DENND1A: variants seen among roughly 807,000 people sequenced by gnomAD.
DENND1A encodes DENN domain containing 1A.
Under a neutral mutation model 113.7 loss-of-function variants are expected in DENND1A, and 51 were observed. The observed-to-expected ratio is 0.45, with a 90% CI of 0.36 to 0.57. The LOEUF (loss-of-function observed/expected upper bound fraction) is 0.57. Ranked by LOEUF, DENND1A falls within the 20% of genes least tolerant of loss-of-function variation. The probability of loss-of-function intolerance (pLI) is 0.00; values close to 1 mark genes in which losing one functional copy is unlikely to be tolerated. For missense variants in DENND1A, 1,258 were observed against 1,395.9 expected (o/e 0.90, Z 1.57); for synonymous variants, 565 against 570.8 (o/e 0.99, Z 0.14).
chr9:123,731,821 C>T (rs2068195317), intron 5 of DENND1A, among the ~76,000 whole-genome samples: 1 of 152,088 alleles, frequency 6.6e-6, no homozygotes, highest in Admixed American at 6.6e-5. Flanking sequence ...ATTTGCAAAT[C>T]ATATATCTGA....
chr9:123,795,079 C>T (rs1833566110), intron 2 of DENND1A, among the ~76,000 whole-genome samples: 1 of 152,138 alleles, frequency 6.6e-6, no homozygotes, highest in Non-Finnish European at 1.5e-5. Context: ...CTCTTGGTTT[C>T]TTTTCATTAA....
In DENND1A at chr9:123,461,233, G is replaced by A. The variant is rs550539144; in HGVS notation, c.994-3336C>T. 1.2e-4 allele frequency among the ~76,000 whole-genome samples: 19 copies of A among 152,270 alleles called. No homozygotes were observed. The South Asian group carries it at 3.5e-3, about 28-fold the overall frequency. On this transcript the variant is annotated intron_variant, in intron 13 of 23. Transcript: ENST00000394215. ...AGTGGCAGTCACTCATCCCAGTGCCGTGTGCACTCCTGGGTGCTGGGATAG... is the reference window on the plus strand; with the variant it reads ...AGTGGCAGTCACTCATCCCAGTGCCATGTGCACTCCTGGGTGCTGGGATAG...
chr9:123,416,691 C>A (rs111312477), intron 19 of DENND1A, among the ~76,000 whole-genome samples: 2 of 152,184 alleles, frequency 1.3e-5, no homozygotes, highest in Non-Finnish European at 2.9e-5. Context: ...GGAGAGAGGG[C>A]CGGCGAAGCG....
chr9:123,426,623 C>T (rs905485635), intron 19 of DENND1A, among the ~76,000 whole-genome samples: 3 of 152,196 alleles, frequency 2.0e-5, no homozygotes, highest in Non-Finnish European at 2.9e-5. Context: ...CAGCTCAGAC[C>T]TCCCTCTCTG....
At chr9:123,428,386 T>C (rs1190790693) in intron 19 of DENND1A, among the ~76,000 whole-genome samples, 4 of 152,200 alleles carry the variant, frequency 2.6e-5, no homozygotes, top group South Asian at 2.1e-4. Flanking sequence ...AAACTAGGTA[T>C]TGAAAAAATA....
At chr9:123,728,352 C>T (rs2141281755) in intron 5 of DENND1A, among the ~76,000 whole-genome samples, 1 of 151,638 alleles carries the variant, frequency 6.6e-6, no homozygotes, top group African/African-American at 2.4e-5. Flanking sequence ...TGGCACATGC[C>T]TGTAATCCCA....
At chr9:123,684,145 C>T (rs1431112160) in intron 5 of DENND1A, among the ~76,000 whole-genome samples, 1 of 152,120 alleles carries the variant, frequency 6.6e-6, no homozygotes, top group Non-Finnish European at 1.5e-5. Flanking sequence ...ATTTCAATTG[C>T]TATGTAAAAA....
At chr9:123,424,362 TC>T (rs2045552152) in intron 19 of DENND1A, among the ~76,000 whole-genome samples, 1 of 152,170 alleles carries the variant, frequency 6.6e-6, no homozygotes, top group Non-Finnish European at 1.5e-5. Flanking sequence ...CTTCAACAGT[TC>T]CCACGCAGGA....
intron 5 of DENND1A, among the ~76,000 whole-genome samples, chr9:123,695,496 A>G (rs568215772): frequency 2.6e-4 from 40 of 152,156 alleles, no homozygotes; most frequent in African/African-American, 9.4e-4. Context: ...ATATATATAT[A>G]TATCCTATTA....
At chr9:123,402,753 G>C (rs1455704781) in intron 21 of DENND1A, 3 of 398,746 alleles carry the variant, frequency 7.5e-6, no homozygotes, top group African/African-American at 6.2e-5. Flanking sequence ...GCAGCCTTCT[G>C]CCTCACCCCA....
Position 123,427,178 on chromosome 9 carries a change from A to G in DENND1A, c.1488+13182T>C, listed in dbSNP as rs866425698. 2.0e-5 allele frequency among the ~76,000 whole-genome samples: 3 copies of G among 152,230 alleles called. No homozygotes were observed. The South Asian group carries it at 6.2e-4, about 32-fold the overall frequency. ...CTATGGCATGATCACACAAGCACAAATCTGGGCCTTTCAAAACTACCAGAT... is the reference window on the plus strand; with the variant it reads ...CTATGGCATGATCACACAAGCACAAGTCTGGGCCTTTCAAAACTACCAGAT... On this transcript the variant is annotated intron_variant, in intron 19 of 23. Transcript: ENST00000394215.
intron 13 of DENND1A, among the ~76,000 whole-genome samples, chr9:123,516,247 G>T (rs1018991292): frequency 2.6e-5 from 4 of 151,976 alleles, no homozygotes; most frequent in African/African-American, 9.7e-5. Flanking sequence ...GTACATGGGG[G>T]GTGTGTACTC....
At chr9:123,495,153 C>T (rs933779479) in intron 13 of DENND1A, among the ~76,000 whole-genome samples, 3 of 150,906 alleles carry the variant, frequency 2.0e-5, no homozygotes, top group African/African-American at 7.4e-5. Context: ...CTCTCTCTCT[C>T]TCTCTCTCTC....
intron 10 of DENND1A, among the ~76,000 whole-genome samples, chr9:123,618,077 G>C (rs1227171499): frequency 6.6e-6 from 1 of 152,156 alleles, no homozygotes; most frequent in Non-Finnish European, 1.5e-5. Flanking sequence ...AAGGGAAGAC[G>C]AACCCGCACT....
intron 18 of DENND1A, among the ~76,000 whole-genome samples, chr9:123,448,461 C>T (rs2047469895): frequency 1.3e-5 from 2 of 152,182 alleles, no homozygotes; most frequent in South Asian, 2.1e-4. Flanking sequence ...TGAGGAGGGA[C>T]CCCTTTCTTT....
At chr9:123,793,259 C>G (rs1221835821) in intron 2 of DENND1A, among the ~76,000 whole-genome samples, 1 of 152,070 alleles carries the variant, frequency 6.6e-6, no homozygotes, top group Non-Finnish European at 1.5e-5. Context: ...TGCTCAGAAA[C>G]TATACAAATA....
At chr9:123,587,200 T>C (rs149676473) in intron 11 of DENND1A, among the ~76,000 whole-genome samples, 3,621 of 152,148 alleles carry the variant, frequency 0.024, 51 homozygotes, top group Non-Finnish European at 0.033. Context: ...GATGGTCACA[T>C]GGGGATGAAG....
At chr9:123,484,793 C>G (rs553232710) in intron 13 of DENND1A, among the ~76,000 whole-genome samples, 1 of 152,224 alleles carries the variant, frequency 6.6e-6, no homozygotes, top group Non-Finnish European at 1.5e-5. Flanking sequence ...TCAGTACAGT[C>G]TGGCATGCAA....
intron 5 of DENND1A, among the ~76,000 whole-genome samples, chr9:123,685,434 G>A (rs1437758129): frequency 6.6e-6 from 1 of 152,166 alleles, no homozygotes; most frequent in Non-Finnish European, 1.5e-5. Context: ...GAAAATATAT[G>A]TACTGAATGA....
Sources: allele counts gnomAD v4.1 joint callset (sites outside exome capture counted in the v4.1 genomes callset), GRCh38; gene constraint gnomAD v4.1.1; transcripts MANE v1.5; gene names NCBI Gene and HGNC (gene_info 2026-07-23, HGNC 2026-07-21).